The following KHDRBS2 variants were observed in gnomAD, a reference collection of about 807,000 sequenced individuals.
KHDRBS2 encodes the protein KH RNA binding domain containing, signal transduction associated 2, also known as KH domain-containing, RNA-binding, signal transduction-associated protein 2.
In KHDRBS2, 26 loss-of-function variants were observed where a neutral mutation model predicts 44.3. That is an observed-to-expected ratio of 0.59 (90% CI 0.43 to 0.81). KHDRBS2 has a LOEUF of 0.81. Among genes scored for constraint, KHDRBS2 ranks in the 40% least tolerant of loss-of-function variants. KHDRBS2 has a pLI of 0.00. For missense variants in KHDRBS2, 476 were observed against 433.1 expected (o/e 1.10, Z -0.88); for synonymous variants, 194 against 151.1 (o/e 1.28, Z -2.08).
intron 2 of KHDRBS2, among the ~76,000 whole-genome samples, chr6:62,083,284 G>A (rs116068343): frequency 6.6e-6 from 1 of 152,098 alleles, no homozygotes; most frequent in African/African-American, 2.4e-5. Flanking sequence ...TCAGAGAAGA[G>A]TTCAGCCAGG....
the KHDRBS2 span, among the ~76,000 whole-genome samples, chr6:61,543,998 C>CA: frequency 5.4e-5 from 8 of 149,522 alleles, no homozygotes; most frequent in African/African-American, 1.5e-4. Context: ...TTTGTAGATA[C>CA]AAAAAAAAGT....
At chr6:61,929,180 A>G (rs187233862) in intron 4 of KHDRBS2, among the ~76,000 whole-genome samples, 3 of 152,292 alleles carry the variant, frequency 2.0e-5, no homozygotes, top group Admixed American at 2.0e-4. Flanking sequence ...AAACAATGGG[A>G]AGAAGTGCTG....
At chr6:61,604,437 A>G in the KHDRBS2 span, among the ~76,000 whole-genome samples, 1 of 152,152 alleles carries the variant, frequency 6.6e-6, no homozygotes, top group Admixed American at 6.5e-5. Context: ...ACTTCCACCT[A>G]TCAATCTCTT....
At chr6:61,708,341 C>T (rs1769929861) in intron 7 of KHDRBS2, among the ~76,000 whole-genome samples, 1 of 151,440 alleles carries the variant, frequency 6.6e-6, no homozygotes, top group Admixed American at 6.6e-5. Flanking sequence ...AAAAATTGAT[C>T]ATTTTGTGTA....
intron 4 of KHDRBS2, among the ~76,000 whole-genome samples, chr6:61,932,473 C>T (rs935640780): frequency 1.3e-5 from 2 of 152,094 alleles, no homozygotes; most frequent in Admixed American, 6.6e-5. Context: ...TCTCTATTTC[C>T]GTGAGATCAA....
the KHDRBS2 span, among the ~76,000 whole-genome samples, chr6:61,669,630 G>GA: frequency 1.3e-5 from 2 of 150,660 alleles, no homozygotes; most frequent in Non-Finnish European, 3.0e-5. Context: ...GTTAGCCCAA[G>GA]AAAAAATAAC....
chr6:62,246,143 G>A (rs974780654), intron 1 of KHDRBS2, among the ~76,000 whole-genome samples: 4 of 130,694 alleles, frequency 3.1e-5, no homozygotes, highest in African/African-American at 1.1e-4. Flanking sequence ...TATAATCAAT[G>A]TTAAAGCTAC....
At chr6:61,590,040 GGTA>G in the KHDRBS2 span, among the ~76,000 whole-genome samples, 1 of 151,756 alleles carries the variant, frequency 6.6e-6, no homozygotes, top group Non-Finnish European at 1.5e-5. Flanking sequence ...GGCATCTGCT[GGTA>G]AAAAAAAATA....
At chr6:62,072,622 T>C (rs1300137400) in intron 2 of KHDRBS2, among the ~76,000 whole-genome samples, 3 of 152,216 alleles carry the variant, frequency 2.0e-5, no homozygotes, top group Non-Finnish European at 2.9e-5. Flanking sequence ...TCTTTGGTTC[T>C]GTTTATATGC....
At chr6:61,671,406 G>T in the KHDRBS2 span, among the ~76,000 whole-genome samples, 2 of 151,630 alleles carry the variant, frequency 1.3e-5, no homozygotes, top group African/African-American at 2.4e-5. Context: ...GCCAGCTGTT[G>T]TTAGGGCAAC....
intron 4 of KHDRBS2, among the ~76,000 whole-genome samples, chr6:61,926,182 G>A (rs1808940178): frequency 6.6e-6 from 1 of 152,176 alleles, no homozygotes; most frequent in African/African-American, 2.4e-5. Context: ...CAGAAAAGAG[G>A]CAAATCATGA....
intron 1 of KHDRBS2, among the ~76,000 whole-genome samples, chr6:62,195,735 A>G (rs1237025393): frequency 6.6e-6 from 1 of 152,160 alleles, no homozygotes; most frequent in Non-Finnish European, 1.5e-5. Flanking sequence ...CAAAGTGTGC[A>G]TAGTCCAGCT....
chr6:62,108,038 G>T (rs1281043289), intron 2 of KHDRBS2, among the ~76,000 whole-genome samples: 5 of 152,118 alleles, frequency 3.3e-5, no homozygotes, highest in Admixed American at 2.6e-4. Context: ...GCATGGGCAA[G>T]GACTTCATGT....
chr6:62,069,058 A>G (rs1473088385), intron 2 of KHDRBS2, among the ~76,000 whole-genome samples: 1 of 151,610 alleles, frequency 6.6e-6, no homozygotes, highest in African/African-American at 2.4e-5. Flanking sequence ...ATTGGATTGA[A>G]ATTGTCATCT....
chr6:61,984,414 G>A (rs530098719), intron 3 of KHDRBS2, among the ~76,000 whole-genome samples: 14 of 151,980 alleles, frequency 9.2e-5, no homozygotes, highest in Non-Finnish European at 1.6e-4. Context: ...GGAGCCCCAG[G>A]ATTCACACAA....
chr6:62,152,229 G>C (rs1365724119), intron 2 of KHDRBS2, among the ~76,000 whole-genome samples: 2 of 152,204 alleles, frequency 1.3e-5, no homozygotes, highest in Non-Finnish European at 2.9e-5. Flanking sequence ...TGAGGTAGGA[G>C]AATGGCTTGA....
intron 6 of KHDRBS2, among the ~76,000 whole-genome samples, chr6:61,840,870 T>G (rs1793497758): frequency 6.6e-6 from 1 of 152,176 alleles, no homozygotes. Context: ...TCCCGAAACA[T>G]GCAGAAATTA....
At chr6:61,698,396 C>T (rs1768164158) in intron 7 of KHDRBS2, among the ~76,000 whole-genome samples, 1 of 152,122 alleles carries the variant, frequency 6.6e-6, no homozygotes, top group South Asian at 2.1e-4. Context: ...ATAGCAAATT[C>T]ACTTCGAATT....
intron 1 of KHDRBS2, among the ~76,000 whole-genome samples, chr6:62,235,922 A>C (rs1412962244): frequency 6.6e-6 from 1 of 152,082 alleles, no homozygotes; most frequent in Non-Finnish European, 1.5e-5. Context: ...ATCTCAGGTA[A>C]ATCACATTAT....
Sources: allele counts gnomAD v4.1 joint callset (sites outside exome capture counted in the v4.1 genomes callset), GRCh38; gene constraint gnomAD v4.1.1; transcripts MANE v1.5; gene names NCBI Gene and HGNC (gene_info 2026-07-23, HGNC 2026-07-21).